The following NPAS3 variants were observed in gnomAD, a reference collection of about 807,000 sequenced individuals.
The protein encoded by NPAS3 is neuronal PAS domain protein 3.
A neutral mutation model predicts 73.1 loss-of-function variants in NPAS3; 14 were observed. The ratio of observed to expected loss-of-function variants is 0.19; its 90% CI spans 0.13 to 0.30. NPAS3 has a LOEUF of 0.30. NPAS3 is among the 10% of genes least tolerant of loss of function. The pLI, the probability that NPAS3 is intolerant of heterozygous loss-of-function variation, is 1.00. For synonymous variants in NPAS3, 620 were observed against 541.5 expected (o/e 1.14, Z -2.01); for missense variants, 1,096 against 1,250.0 (o/e 0.88, Z 1.86).
chr14:33,709,546 T>A (rs1042239058), intron 6 of NPAS3, among the ~76,000 whole-genome samples: 1 of 152,112 alleles, frequency 6.6e-6, no homozygotes, highest in Non-Finnish European at 1.5e-5. Flanking sequence ...CAAGGAAAGT[T>A]TGGGGAGTTG....
rs80355462 is a variant in NPAS3 at position 33,178,486 on chromosome 14, G to T, written c.141-36696G>T. On this transcript the variant is annotated intron_variant, in intron 2 of 11. Transcript: ENST00000356141. ...TATTTTTAATAATATAAATTTCTCA[G>T]GAATTTGAATTTGACTTCTTTCAGC... Among the ~76,000 whole-genome samples, 1,458 of 152,184 alleles carry T rather than the reference G, an allele frequency of 9.6e-3. 21 individuals carry two copies. Among genetic ancestry groups the T allele is most frequent in the African/African-American group, 0.033 (1,384 of 41,536 alleles).
At chr14:33,731,504 T>G (rs1229476453) in intron 6 of NPAS3, among the ~76,000 whole-genome samples, 1 of 151,178 alleles carries the variant, frequency 6.6e-6, no homozygotes, top group Admixed American at 6.6e-5. Flanking sequence ...ACAGAGACCC[T>G]GGAGAGAATA....
At chr14:33,520,878 G>C (rs766734612) in intron 4 of NPAS3, among the ~76,000 whole-genome samples, 3 of 152,090 alleles carry the variant, frequency 2.0e-5, no homozygotes, top group Admixed American at 6.6e-5. Flanking sequence ...ATAAGCAAAC[G>C]CTGAATGCTG....
At chr14:33,437,182 T>G (rs992616997) in intron 4 of NPAS3, among the ~76,000 whole-genome samples, 5 of 152,242 alleles carry the variant, frequency 3.3e-5, no homozygotes, top group African/African-American at 1.2e-4. Context: ...CATTCAAAGC[T>G]ATATAAGAAG....
chr14:33,460,752 T>C (rs2050224938), intron 4 of NPAS3, among the ~76,000 whole-genome samples: 1 of 152,198 alleles, frequency 6.6e-6, no homozygotes, highest in Non-Finnish European at 1.5e-5. Context: ...CTGGATTTGC[T>C]ATTCAGATAC....
At chr14:33,030,983 C>A (rs967840417) in intron 1 of NPAS3, among the ~76,000 whole-genome samples, 1 of 152,146 alleles carries the variant, frequency 6.6e-6, no homozygotes, top group Non-Finnish European at 1.5e-5. Context: ...TTAATGAAGT[C>A]AAGGTTCTTT....
chr14:33,746,809 A>G (rs184905820), intron 7 of NPAS3, among the ~76,000 whole-genome samples: 1,758 of 152,104 alleles, frequency 0.012, 15 homozygotes, highest in Middle Eastern at 0.051. Flanking sequence ...TTAGTTACAT[A>G]TGTATACATG....
chr14:33,144,063 T>C (rs913819760), intron 2 of NPAS3, among the ~76,000 whole-genome samples: 1 of 152,338 alleles, frequency 6.6e-6, no homozygotes, highest in East Asian at 1.9e-4. Context: ...TCAGTTCTTC[T>C]AGGTATATAC....
chr14:33,430,493 C>T (rs996321191), intron 4 of NPAS3, among the ~76,000 whole-genome samples: 1 of 151,994 alleles, frequency 6.6e-6, no homozygotes, highest in Non-Finnish European at 1.5e-5. Context: ...TGTTATGGCT[C>T]GAGTTCTAAT....
At chr14:33,655,918 C>T (rs1306009394) in intron 5 of NPAS3, among the ~76,000 whole-genome samples, 1 of 152,098 alleles carries the variant, frequency 6.6e-6, no homozygotes, top group Non-Finnish European at 1.5e-5. Context: ...TCCTCTTTTC[C>T]TTCACTCTGA....
intron 2 of NPAS3, among the ~76,000 whole-genome samples, chr14:33,071,134 T>C (rs2041471082): frequency 6.6e-6 from 1 of 152,176 alleles, no homozygotes; most frequent in African/African-American, 2.4e-5. Context: ...TGTCAAGTGA[T>C]TCATTGAACC....
intron 3 of NPAS3, among the ~76,000 whole-genome samples, chr14:33,300,953 A>G (rs1269124060): frequency 1.3e-5 from 2 of 151,966 alleles, no homozygotes; most frequent in Admixed American, 1.3e-4. Context: ...AGGAAGGTGG[A>G]CTCCCAGCCT....
intron 5 of NPAS3, among the ~76,000 whole-genome samples, chr14:33,673,602 T>G (rs75114375): frequency 0.044 from 6,729 of 152,324 alleles, 476 homozygotes; most frequent in African/African-American, 0.15. Flanking sequence ...TGATTTCTTC[T>G]GCATAGTTTC....
chr14:33,634,271 A>G (rs1156724987), intron 5 of NPAS3, among the ~76,000 whole-genome samples: 1 of 152,206 alleles, frequency 6.6e-6, no homozygotes, highest in Non-Finnish European at 1.5e-5. Flanking sequence ...GTCTATTGGC[A>G]TTAGGGGAGC....
intron 3 of NPAS3, among the ~76,000 whole-genome samples, chr14:33,235,903 C>T (rs1001823652): frequency 1.4e-5 from 2 of 144,322 alleles, no homozygotes; most frequent in African/African-American, 2.5e-5. Flanking sequence ...ATCCTCCTAC[C>T]TCAGCCTCCT....
intron 2 of NPAS3, among the ~76,000 whole-genome samples, chr14:33,111,576 A>G (rs535867671): frequency 2.4e-4 from 36 of 152,054 alleles, no homozygotes; most frequent in African/African-American, 8.2e-4. Context: ...AAAATAAAAG[A>G]GATGTGTTAG....
chr14:33,487,596 T>C (rs977003676), intron 4 of NPAS3, among the ~76,000 whole-genome samples: 3 of 152,330 alleles, frequency 2.0e-5, no homozygotes, highest in East Asian at 3.9e-4. Flanking sequence ...TTTCCTCCAA[T>C]GTATCCAGTT....
chr14:33,460,954 T>C (rs926777016), intron 4 of NPAS3, among the ~76,000 whole-genome samples: 5 of 152,230 alleles, frequency 3.3e-5, no homozygotes, highest in Admixed American at 3.3e-4. Context: ...CTGTGAGTTT[T>C]GTTAATTACA....
intron 3 of NPAS3, among the ~76,000 whole-genome samples, chr14:33,236,940 A>G (rs2048054467): frequency 6.6e-6 from 1 of 152,134 alleles, no homozygotes; most frequent in South Asian, 2.1e-4. Flanking sequence ...TTGATTTTAC[A>G]GTTACAATTT....
Sources: allele counts gnomAD v4.1 joint callset (sites outside exome capture counted in the v4.1 genomes callset), GRCh38; gene constraint gnomAD v4.1.1; transcripts MANE v1.5; gene names NCBI Gene and HGNC (gene_info 2026-07-23, HGNC 2026-07-21).